Variants in TUBGCP3 observed in about 807,000 individuals in gnomAD.
The protein encoded by TUBGCP3 is tubulin gamma complex component 3, also known as gamma-tubulin complex component 3.
Under a neutral mutation model 123.1 loss-of-function variants are expected in TUBGCP3, and 50 were observed. The ratio of observed to expected loss-of-function variants is 0.41; its 90% CI spans 0.32 to 0.51. The LOEUF is 0.51. Among genes scored for constraint, TUBGCP3 ranks in the 20% least tolerant of loss-of-function variants. TUBGCP3 has a pLI of 0.36. For missense variants in TUBGCP3, 882 were observed against 1,127.0 expected (o/e 0.78, Z 3.11); for synonymous variants, 405 against 413.9 (o/e 0.98, Z 0.26).
chr13:112,587,850 C>T (rs1485429373), intron 1 of TUBGCP3, 55 bp downstream of exon 1: 2 of 1,480,186 alleles, frequency 1.4e-6, no homozygotes, highest in Admixed American at 4.0e-5. Context: ...GCTGCACGCG[C>T]AGGGAGCAGC....
At chr13:112,590,884 T>C (rs1345234198), upstream of TUBGCP3, among the ~76,000 whole-genome samples, 1 of 152,196 alleles carries the variant, frequency 6.6e-6, no homozygotes, top group Non-Finnish European at 1.5e-5. Context: ...GATCAGCCCT[T>C]ATGGGTAAAC....
upstream of TUBGCP3, among the ~76,000 whole-genome samples, chr13:112,591,974 C>T (rs185040783): frequency 2.3e-4 from 35 of 151,726 alleles, no homozygotes; most frequent in Middle Eastern, 6.8e-3. Flanking sequence ...ACTGGAGATA[C>T]GGGATGGAAC....
At chr13:112,525,851 A>T (rs1185701501) in intron 13 of TUBGCP3, among the ~76,000 whole-genome samples, 1 of 152,212 alleles carries the variant, frequency 6.6e-6, no homozygotes, top group African/African-American at 2.4e-5. Context: ...CCACTTTATC[A>T]TTTTAAAACA....
chr13:112,530,670 G>T (rs1401532702), intron 11 of TUBGCP3, among the ~76,000 whole-genome samples: 1 of 152,128 alleles, frequency 6.6e-6, no homozygotes, highest in Non-Finnish European at 1.5e-5. Flanking sequence ...TCCATGGGAC[G>T]ATTATATTCA....
intron 3 of TUBGCP3, among the ~76,000 whole-genome samples, chr13:112,561,221 C>T (rs1412276392): frequency 1.3e-5 from 2 of 152,150 alleles, no homozygotes; most frequent in African/African-American, 2.4e-5. Context: ...TGCAGTGAGC[C>T]GAGTGTGTGC....
rs116271636 is a variant in TUBGCP3 at position 112,575,310 on chromosome 13, A to G, written c.77-6051T>C. On this transcript the variant is annotated intron_variant, in intron 1 of 21. Transcript: ENST00000261965. ...TATTCAAAGAACGTGAACTGGCTACATTTCTATCAGACAAAGTAAACTTTA... is the reference window on the plus strand; with the variant it reads ...TATTCAAAGAACGTGAACTGGCTACGTTTCTATCAGACAAAGTAAACTTTA... Among the ~76,000 whole-genome samples the G allele has an allele frequency of 6.3e-3, 960 of 152,388 alleles. 9 individuals are homozygous for G. The highest frequency in any genetic ancestry group is 0.022 in the African/African-American group (900 of 41,582).
chr13:112,539,525 C>A (rs1221747153), intron 11 of TUBGCP3, among the ~76,000 whole-genome samples: 3 of 152,214 alleles, frequency 2.0e-5, no homozygotes, highest in Non-Finnish European at 2.9e-5. Flanking sequence ...AAAAAACCTA[C>A]AAGCAAAATT....
chr13:112,507,307 G>A (rs1881371538), intron 17 of TUBGCP3, among the ~76,000 whole-genome samples: 1 of 152,150 alleles, frequency 6.6e-6, no homozygotes, highest in Non-Finnish European at 1.5e-5. Flanking sequence ...GCACTGCTGT[G>A]CACTTGTGCA....
intron 8 of TUBGCP3, among the ~76,000 whole-genome samples, chr13:112,553,117 A>G (rs1879725012): frequency 6.6e-6 from 1 of 151,492 alleles, no homozygotes; most frequent in Non-Finnish European, 1.5e-5. Flanking sequence ...CCACACTGCC[A>G]CACCACATGC....
chr13:112,523,070 T>C lies in TUBGCP3; in HGVS notation c.1556-561A>G, dbSNP rs530960021. Among the ~76,000 whole-genome samples, 5 of 152,344 alleles carry C rather than the reference T, an allele frequency of 3.3e-5. No homozygotes were observed. In the East Asian group the frequency reaches 9.6e-4, roughly 29 times the overall value. ...AGAAAGCATTTCCATAGCTTTCTATTGAGAAGAAATTGCAGGTGGAGACTA... is the reference window on the plus strand; with the variant it reads ...AGAAAGCATTTCCATAGCTTTCTATCGAGAAGAAATTGCAGGTGGAGACTA... On this transcript the variant is annotated intron_variant, in intron 13 of 21. Coordinates refer to ENST00000261965, the MANE Select transcript of TUBGCP3 (RefSeq NM_006322.6).
chr13:112,488,519 C>T (rs976902477), intron 21 of TUBGCP3, among the ~76,000 whole-genome samples: 3 of 152,200 alleles, frequency 2.0e-5, no homozygotes, highest in African/African-American at 4.8e-5. Flanking sequence ...CAGTCCCCAT[C>T]GGGAGTCACT....
Position 112,518,068 on chromosome 13 carries a change from G to A in TUBGCP3, c.1950+907C>T, listed in dbSNP as rs568968229. On this transcript the variant is annotated intron_variant, in intron 16 of 21. Coordinates refer to ENST00000261965, the MANE Select transcript of TUBGCP3 (RefSeq NM_006322.6). ...AATATAGTAGCTTTGATCAATAAAG[G>A]TTACACACCAGGAATTTATGTGTAA... 3.9e-4 allele frequency among the ~76,000 whole-genome samples: 59 copies of A among 152,138 alleles called. 1 individual carries two copies. In the South Asian group the frequency reaches 5.8e-3, roughly 15 times the overall value.
chr13:112,487,452 TC>T (rs1259404931), intron 21 of TUBGCP3, among the ~76,000 whole-genome samples: 1 of 152,196 alleles, frequency 6.6e-6, no homozygotes, highest in African/African-American at 2.4e-5. Context: ...ATGTATTAAC[TC>T]CCTCAGGGAA....
chr13:112,582,117 T>C (rs1594236014), intron 1 of TUBGCP3, among the ~76,000 whole-genome samples: 1 of 152,206 alleles, frequency 6.6e-6, no homozygotes, highest in South Asian at 2.1e-4. Context: ...AAATTAGACA[T>C]AGCAATCATT....
intron 1 of TUBGCP3, among the ~76,000 whole-genome samples, chr13:112,578,876 C>A (rs868207406): frequency 1.3e-5 from 2 of 152,076 alleles, no homozygotes; most frequent in African/African-American, 4.8e-5. Context: ...ATCACCCCAG[C>A]AAAAATTAAA....
chr13:112,551,257 A>G (rs1879564401), intron 8 of TUBGCP3, among the ~76,000 whole-genome samples: 1 of 152,242 alleles, frequency 6.6e-6, no homozygotes, highest in Admixed American at 6.5e-5. Flanking sequence ...CGCCACACAC[A>G]CTCAGAGGGA....
chr13:112,562,316 G>A (rs565351010), intron 3 of TUBGCP3, among the ~76,000 whole-genome samples: 2 of 151,506 alleles, frequency 1.3e-5, no homozygotes, highest in African/African-American at 2.4e-5. Context: ...ACCAGCCAGG[G>A]GCCACTAGGG....
the TUBGCP3 span, among the ~76,000 whole-genome samples, chr13:112,600,888 C>T: frequency 7.2e-5 from 11 of 151,984 alleles, no homozygotes; most frequent in South Asian, 6.2e-4. Context: ...TGATTCTAAA[C>T]GTATTTTAAT....
intron 20 of TUBGCP3, among the ~76,000 whole-genome samples, chr13:112,498,211 C>T (rs940386795): frequency 2.0e-5 from 3 of 152,136 alleles, no homozygotes; most frequent in Non-Finnish European, 4.4e-5. Flanking sequence ...ATTTTTTCTA[C>T]TTTAACGATG....
Sources: gnomAD v4.1 joint callset for allele counts (sites outside exome capture counted in the v4.1 genomes callset) on GRCh38, gnomAD v4.1.1 for gene constraint, MANE v1.5 for transcripts, NCBI Gene and HGNC (gene_info 2026-07-23, HGNC 2026-07-21) for gene names.